Variants in FBXO25 observed in about 807,000 individuals in gnomAD.
FBXO25 encodes the protein F-box protein 25, also known as F-box only protein 25.
A neutral mutation model predicts 51.9 loss-of-function variants in FBXO25; 45 were observed. The observed-to-expected ratio is 0.87, with a 90% CI of 0.68 to 1.11. The LOEUF (loss-of-function observed/expected upper bound fraction) is 1.11. Among genes scored for constraint, FBXO25 ranks in the 50% most tolerant of loss-of-function variants. The probability of loss-of-function intolerance (pLI) is 0.00; values close to 1 mark genes in which losing one functional copy is unlikely to be tolerated. For missense variants in FBXO25, 507 were observed against 428.5 expected, an observed-to-expected ratio of 1.18 and a Z score of -1.62; for synonymous variants, 199 against 151.0, an observed-to-expected ratio of 1.32 and a Z score of -2.33.
intron 9 of FBXO25, chr8:468,255 C>A (rs1368070653): frequency 3.0e-6 from 3 of 1,014,152 alleles, no homozygotes; most frequent in Non-Finnish European, 3.5e-6. Flanking sequence ...CCTCTCCTGT[C>A]CTATGCAGGG....
intron 1 of FBXO25, among the ~76,000 whole-genome samples, chr8:408,613 T>G (rs1796309391): frequency 6.6e-6 from 1 of 152,256 alleles, no homozygotes; most frequent in Non-Finnish European, 1.5e-5. Context: ...TATGGTAAGC[T>G]CTAATAAATG....
chr8:415,359 C>T (rs1268713068), intron 2 of FBXO25, among the ~76,000 whole-genome samples: 1 of 152,162 alleles, frequency 6.6e-6, no homozygotes, highest in Non-Finnish European at 1.5e-5. Flanking sequence ...CATGGTTGAT[C>T]TGGGGGCAGC....
In FBXO25 at chr8:458,340, AGTGAGTTGCTGTTGT is replaced by A; in HGVS notation, c.661-26_661-12del. ...GTGAACAAACATTGGCCATCTTCTCAGTGAGTTGCTGTTGTGTTTTCCTTTCAGCAAGTGAACAAT... is the reference window on the plus strand; with the variant it reads ...GTGAACAAACATTGGCCATCTTCTCAGTTTTCCTTTCAGCAAGTGAACAAT... On this transcript the variant is annotated splice_polypyrimidine_tract_variant and intron_variant, in intron 7 of 9. Transcript: ENST00000350302. The A allele has an allele frequency of 6.2e-7, 1 of 1,603,444 alleles. No individual in the cohort carries two copies. The highest frequency in any genetic ancestry group is 8.5e-7 in the Non-Finnish European group (1 of 1,174,074).
intron 5 of FBXO25, among the ~76,000 whole-genome samples, chr8:444,521 C>A (rs985103385): frequency 6.6e-6 from 1 of 152,072 alleles, no homozygotes; most frequent in African/African-American, 2.4e-5. Context: ...TTGTGGCCTT[C>A]TTTATAATTG....
In FBXO25 at chr8:473,533, C is replaced by G. The variant is rs1162618866; in HGVS notation, c.*4729C>G. 1 of 152,250 alleles carries G rather than the reference C, an allele frequency of 6.6e-6. No individual in the cohort carries two copies. The highest frequency in any genetic ancestry group is 2.1e-4 in the South Asian group (1 of 4,830). The allele number at this position is 152,250 out of a possible 1,614,324, so 9.4% of individuals were successfully genotyped here. ...ATGCCTAGGAGAGGCTGTTAACCCT[C>G]CTAGTTGTCCTTTTTGTACTTGGTC... On this transcript the variant is annotated 3_prime_UTR_variant, in exon 10 of 10. Coordinates refer to ENST00000350302, the MANE Select transcript of FBXO25 (RefSeq NM_183420.2).
rs779395909 is a variant in FBXO25 at position 471,562 on chromosome 8, G to T, written c.*2758G>T. On this transcript the variant is annotated 3_prime_UTR_variant, in exon 10 of 10. Transcript: ENST00000350302. ...AGGTAGTAAGTTTCACTTGCCCATC[G>T]CTCCTGTGAAAGGCAATGCCAGACA... is the stretch of plus-strand genomic sequence containing the variant. 6.6e-6 allele frequency: 1 copy of T among 152,086 alleles called. No homozygotes were observed. The highest frequency in any genetic ancestry group is 1.5e-5 in the Non-Finnish European group (1 of 68,028). 9.4% of individuals were successfully genotyped at this position (152,086 alleles called of 1,614,324 possible).
intron 5 of FBXO25, among the ~76,000 whole-genome samples, chr8:444,016 T>C (rs866160986): frequency 1.3e-5 from 2 of 152,302 alleles, no homozygotes; most frequent in Middle Eastern, 3.4e-3. Context: ...TGGGGCCAGC[T>C]TCTTCATCTC....
Position 477,122 on chromosome 8 carries a change from T to G in FBXO25, c.*8318T>G, listed in dbSNP as rs2116660119. On this transcript the variant is annotated 3_prime_UTR_variant, in exon 10 of 10. Coordinates refer to ENST00000350302, the MANE Select transcript of FBXO25 (RefSeq NM_183420.2). Reference sequence around the variant, plus strand: ...TTTTTTGTCTGTTACTGATTTCTAGTTTCATCCCACTGTGGCCAGAAAAGA... The same window carrying G: ...TTTTTTGTCTGTTACTGATTTCTAGGTTCATCCCACTGTGGCCAGAAAAGA... 1 of 152,388 alleles carries G rather than the reference T, an allele frequency of 6.6e-6. No homozygotes were observed. The highest frequency in any genetic ancestry group is 1.9e-4 in the East Asian group (1 of 5,192). 9.4% of individuals were successfully genotyped at this position (152,388 alleles called of 1,614,324 possible).
chr8:474,361 T>C lies in FBXO25; in HGVS notation c.*5557T>C, dbSNP rs1800580580. ...ATCTGTTGAGGACACTTGAGTTGCT[T>C]CCACCTTTTAGCTATTGTGAATATT... is the stretch of plus-strand genomic sequence containing the variant. On this transcript the variant is annotated 3_prime_UTR_variant, in exon 10 of 10. Transcript: ENST00000350302. 7.8e-6 allele frequency: 2 copies of C among 256,124 alleles called. No individual in the cohort carries two copies. Among genetic ancestry groups the C allele is most frequent in the South Asian group, 4.6e-5 (1 of 21,860 alleles). The allele number at this position is 256,124 out of a possible 1,614,324, so 15.9% of individuals were successfully genotyped here.
intron 2 of FBXO25, among the ~76,000 whole-genome samples, chr8:416,285 A>G (rs949074311): frequency 5.3e-5 from 8 of 152,046 alleles, no homozygotes; most frequent in African/African-American, 1.7e-4. Context: ...CTCCCTACAT[A>G]CTCCTTCCCC....
chr8:419,191 C>A (rs1395985055), intron 2 of FBXO25, among the ~76,000 whole-genome samples: 1 of 151,144 alleles, frequency 6.6e-6, no homozygotes, highest in Admixed American at 6.6e-5. Context: ...GAAACCCCGT[C>A]TCTACTAAAA....
At chr8:446,217 C>A (rs1798727885) in intron 5 of FBXO25, among the ~76,000 whole-genome samples, 2 of 152,066 alleles carry the variant, frequency 1.3e-5, no homozygotes, top group African/African-American at 4.8e-5. Context: ...CCTAACAGGC[C>A]CCTAGACGAT....
In FBXO25 at chr8:470,097, C is replaced by A. The variant is rs1050964037; in HGVS notation, c.*1293C>A. On this transcript the variant is annotated 3_prime_UTR_variant, in exon 10 of 10. Coordinates refer to ENST00000350302, the MANE Select transcript of FBXO25 (RefSeq NM_183420.2). ...TCCCGACCCTGCCTTTTTTTAGAAA[C>A]GTAGAACCATATCCTAAATGTTATT... is the stretch of plus-strand genomic sequence containing the variant. 9.2e-5 allele frequency: 14 copies of A among 152,056 alleles called. No homozygotes were observed. Among genetic ancestry groups the A allele is most frequent in the African/African-American group, 3.4e-4 (14 of 41,388 alleles). 9.4% of individuals were successfully genotyped at this position (152,056 alleles called of 1,614,324 possible).
Position 469,502 on chromosome 8 carries a change from G to A in FBXO25, c.*698G>A, listed in dbSNP as rs1301665389. 6.6e-6 allele frequency: 1 copy of A among 152,216 alleles called. No individual in the cohort carries two copies. Among genetic ancestry groups the A allele is most frequent in the Non-Finnish European group, 1.5e-5 (1 of 68,038 alleles). 9.4% of individuals were successfully genotyped at this position (152,216 alleles called of 1,614,324 possible). A position where few individuals can be genotyped will look rare whatever the true frequency, so the allele number is the denominator to read the frequency against. On this transcript the variant is annotated 3_prime_UTR_variant, in exon 10 of 10. Coordinates refer to ENST00000350302, the MANE Select transcript of FBXO25 (RefSeq NM_183420.2). ...CCTGGACTGTGATGGGAACAGCCCA[G>A]TGCAGTCTAAACTTCAATTGTGTTG...
At chr8:424,922 C>G (rs1022227410) in intron 2 of FBXO25, among the ~76,000 whole-genome samples, 1 of 151,892 alleles carries the variant, frequency 6.6e-6, no homozygotes, top group Non-Finnish European at 1.5e-5. Flanking sequence ...ACTTGTTTAG[C>G]TCTAAGAAAA....
At chr8:468,498 C>G (rs1476444548) in intron 9 of FBXO25, among the ~76,000 whole-genome samples, 1 of 152,120 alleles carries the variant, frequency 6.6e-6, no homozygotes, top group South Asian at 2.1e-4. Flanking sequence ...GCCACCGTCT[C>G]CTGCCCTACC....
chr8:407,695 A>T (rs1225879217), intron 1 of FBXO25, among the ~76,000 whole-genome samples: 1 of 151,288 alleles, frequency 6.6e-6, no homozygotes, highest in Non-Finnish European at 1.5e-5. Flanking sequence ...GCTAGGTGTG[A>T]CCCCTCATTC....
intron 7 of FBXO25, among the ~76,000 whole-genome samples, chr8:451,767 AT>A (rs1381422618): frequency 6.6e-6 from 1 of 152,198 alleles, no homozygotes; most frequent in Non-Finnish European, 1.5e-5. Flanking sequence ...TTAAGGCTAA[AT>A]TGTGTTGCCA....
At chr8:458,100 C>T (rs906614697) in intron 7 of FBXO25, among the ~76,000 whole-genome samples, 2 of 152,206 alleles carry the variant, frequency 1.3e-5, no homozygotes, top group African/African-American at 4.8e-5. Flanking sequence ...GATGCTGACG[C>T]ACACCTGTCG....
Sources: allele counts gnomAD v4.1 joint callset (sites outside exome capture counted in the v4.1 genomes callset), GRCh38; gene constraint gnomAD v4.1.1; transcripts MANE v1.5; gene names NCBI Gene and HGNC (gene_info 2026-07-23, HGNC 2026-07-21).